GRIN2B: variants seen among roughly 807,000 people sequenced by gnomAD.
GRIN2B encodes glutamate receptor ionotropic, NMDA 2B.
Under a neutral mutation model 114.5 loss-of-function variants are expected in GRIN2B, and 5 were observed. The ratio of observed to expected loss-of-function variants is 0.04; its 90% confidence interval spans 0.02 to 0.09. The LOEUF is 0.09. GRIN2B is among the 10% of genes least tolerant of loss of function. The pLI is 1.00. For synonymous variants in GRIN2B, 787 were observed against 745.1 expected (o/e 1.06, Z -0.92); for missense variants, 1,108 against 1,943.5 (o/e 0.57, Z 8.08).
chr12:13,649,808 C>T (rs993763212), intron 5 of GRIN2B, among the ~76,000 whole-genome samples: 2 of 152,100 alleles, frequency 1.3e-5, no homozygotes, highest in African/African-American at 4.8e-5. Flanking sequence ...AAACCTCTGG[C>T]CCCCTGGTTT....
rs1363756801 is a variant in GRIN2B at position 13,541,560 on chromosome 12, A to G, written c.*21223T>C. On this transcript the variant is annotated 3_prime_UTR_variant, in exon 14 of 14. Transcript: ENST00000609686. The stretch of plus-strand genomic sequence containing the variant: ...ATAGAGTTTAATGCGTACTCAGTGC[A>G]TAAAGTAAGGTATGACTGAGTTGGC... 2 of 152,240 alleles carry G rather than the reference A, an allele frequency of 1.3e-5. No homozygotes were observed. Among genetic ancestry groups the G allele is most frequent in the Non-Finnish European group, 2.9e-5 (2 of 68,054 alleles). The allele number at this position is 152,240 out of a possible 1,614,324, so 9.4% of individuals were successfully genotyped here.
Position 13,566,143 on chromosome 12 carries a change from G to C in GRIN2B, c.2598+882C>G, listed in dbSNP as rs1806204. 1.3e-3 allele frequency among the ~76,000 whole-genome samples: 194 copies of C among 152,232 alleles called. 1 individual carries two copies. Among genetic ancestry groups the C allele is most frequent in the African/African-American group, 4.6e-3 (192 of 41,536 alleles). ...ATTAACTCACAGCCAGAAAGGACACGGAGAAATTGTTCTCTATCAGTAAAA... is the reference window on the plus strand; with the variant it reads ...ATTAACTCACAGCCAGAAAGGACACCGAGAAATTGTTCTCTATCAGTAAAA... On this transcript the variant is annotated intron_variant, in intron 13 of 13. Transcript: ENST00000609686.
intron 4 of GRIN2B, among the ~76,000 whole-genome samples, chr12:13,682,534 T>G (rs1445655678): frequency 6.6e-6 from 1 of 152,210 alleles, no homozygotes; most frequent in Non-Finnish European, 1.5e-5. Context: ...TCTTCACAAA[T>G]CATAAAATGT....
intron 3 of GRIN2B, among the ~76,000 whole-genome samples, chr12:13,797,263 G>C (rs1396347293): frequency 1.3e-5 from 2 of 152,082 alleles, no homozygotes; most frequent in Non-Finnish European, 2.9e-5. Context: ...TGTTTTATAA[G>C]GTCCCACTCA....
chr12:13,896,828 T>C (rs933440901), intron 2 of GRIN2B, among the ~76,000 whole-genome samples: 1 of 152,232 alleles, frequency 6.6e-6, no homozygotes, highest in African/African-American at 2.4e-5. Flanking sequence ...GGCTTTCACA[T>C]GCACTAGCTG....
At chr12:13,566,593 G>T (rs1483063833) in intron 13 of GRIN2B, among the ~76,000 whole-genome samples, 1 of 152,186 alleles carries the variant, frequency 6.6e-6, no homozygotes, top group Non-Finnish European at 1.5e-5. Flanking sequence ...AAAACATAGA[G>T]TGAAACAACT....
intron 4 of GRIN2B, among the ~76,000 whole-genome samples, chr12:13,740,091 G>A (rs762156445): frequency 6.6e-6 from 1 of 152,144 alleles, no homozygotes; most frequent in Non-Finnish European, 1.5e-5. Flanking sequence ...CCTTTCTCCT[G>A]AACTCCACTC....
At chr12:13,931,655 A>G (rs1048300401) in intron 2 of GRIN2B, among the ~76,000 whole-genome samples, 1 of 152,206 alleles carries the variant, frequency 6.6e-6, no homozygotes, top group Non-Finnish European at 1.5e-5. Context: ...TAAATCAGAA[A>G]TACCTTAAAC....
At chr12:13,893,577 T>G (rs188689932) in intron 2 of GRIN2B, among the ~76,000 whole-genome samples, 1 of 152,200 alleles carries the variant, frequency 6.6e-6, no homozygotes, top group East Asian at 1.9e-4. Context: ...ACTTAAGACT[T>G]GAGACCCCAC....
In GRIN2B at chr12:13,578,064, C is replaced by G. The variant is rs527920724; in HGVS notation, c.2011-6100G>C. Among the ~76,000 whole-genome samples the G allele has an allele frequency of 6.1e-4, 93 of 152,228 alleles. 1 individual carries two copies. The highest frequency in any genetic ancestry group is 5.4e-4 in the Non-Finnish European group (37 of 68,022). On this transcript the variant is annotated intron_variant, in intron 10 of 13. Transcript: ENST00000609686. ...ATAAAGAAGAGAGGCAAACAGTAAGCCTGTTTTTTATTTTTAAAATTTCTA... is the reference window on the plus strand; with the variant it reads ...ATAAAGAAGAGAGGCAAACAGTAAGGCTGTTTTTTATTTTTAAAATTTCTA...
At chr12:13,771,734 T>C (rs1321278367) in intron 3 of GRIN2B, among the ~76,000 whole-genome samples, 2 of 152,238 alleles carry the variant, frequency 1.3e-5, no homozygotes, top group Non-Finnish European at 2.9e-5. Flanking sequence ...CCACATATTA[T>C]AGCCAAGAAT....
chr12:13,825,641 C>T (rs1303266418), intron 3 of GRIN2B, among the ~76,000 whole-genome samples: 1 of 151,246 alleles, frequency 6.6e-6, no homozygotes, highest in Non-Finnish European at 1.5e-5. Context: ...CTCTGCCTCC[C>T]GAGTAGCTGG....
At position 13,739,885 on chromosome 12, in the gene GRIN2B, C is replaced by A. The variant is rs983916135; in HGVS notation, c.1010+13432G>T. Among the ~76,000 whole-genome samples, 3 of 152,196 alleles carry A rather than the reference C, an allele frequency of 2.0e-5. No individual in the cohort carries two copies. In the East Asian group the frequency reaches 5.8e-4, roughly 29 times the overall value. On this transcript the variant is annotated intron_variant, in intron 4 of 13. Coordinates refer to ENST00000609686, the MANE Select transcript of GRIN2B (RefSeq NM_000834.5). ...AACGCTGCTGAGTAGCACCGGGCGT[C>A]ATGGCAACACCATGGTTCCTATTTT...
chr12:13,821,063 G>C (rs538761811), intron 3 of GRIN2B, among the ~76,000 whole-genome samples: 1 of 151,394 alleles, frequency 6.6e-6, no homozygotes. Flanking sequence ...AGAACCACTC[G>C]ATGTGCCTAA....
In GRIN2B at chr12:13,575,186, G is replaced by T. The variant is rs1948759485; in HGVS notation, c.2011-3222C>A. Reference sequence around the variant, plus strand: ...ACCAAAAGCACAATCCACCAAAAAAGGTAAACGATAAATTGGAGTTCATAA... The same window carrying T: ...ACCAAAAGCACAATCCACCAAAAAATGTAAACGATAAATTGGAGTTCATAA... On this transcript the variant is annotated intron_variant, in intron 10 of 13. Transcript: ENST00000609686. Among the ~76,000 whole-genome samples, 3 of 151,952 alleles carry T rather than the reference G, an allele frequency of 2.0e-5. No individual in the cohort carries two copies. In the South Asian group the frequency reaches 6.2e-4, roughly 31 times the overall value.
At position 13,719,369 on chromosome 12, in the gene GRIN2B, T is replaced by C. The variant is rs185185390; in HGVS notation, c.1010+33948A>G. The stretch of plus-strand genomic sequence containing the variant: ...ATCCACATTAACCAGATTTATTAAT[T>C]AGATAAATCATCCCTTGTACTCTGT... On this transcript the variant is annotated intron_variant, in intron 4 of 13. Transcript: ENST00000609686. Among the ~76,000 whole-genome samples the C allele has an allele frequency of 2.0e-3, 311 of 152,130 alleles. 1 individual carries two copies. The highest frequency in any genetic ancestry group is 3.9e-3 in the Non-Finnish European group (263 of 67,976).
intron 3 of GRIN2B, among the ~76,000 whole-genome samples, chr12:13,784,491 G>A (rs529764261): frequency 5.3e-5 from 8 of 151,978 alleles, no homozygotes; most frequent in Non-Finnish European, 1.2e-4. Context: ...ACTAATGATG[G>A]CCTCCCTGTG....
chr12:13,972,894 C>T (rs73303085), intron 2 of GRIN2B, among the ~76,000 whole-genome samples: 7,108 of 152,286 alleles, frequency 0.047, 297 homozygotes, highest in East Asian at 0.2. Context: ...ACTGCACAAA[C>T]ATATCCATCC....
rs553087066 is a variant in GRIN2B, at chr12:13,882,702, T to C, written c.-18-16476A>G. 3.9e-5 allele frequency among the ~76,000 whole-genome samples: 6 copies of C among 152,336 alleles called. No individual in the cohort carries two copies. In the East Asian group the frequency reaches 1.2e-3, roughly 29 times the overall value. Reference sequence around the variant, plus strand: ...TACTAAATGGGCCTGACAAAGACATTATTCATTTATGTATACATCAGTATG... The same window carrying C: ...TACTAAATGGGCCTGACAAAGACATCATTCATTTATGTATACATCAGTATG... On this transcript the variant is annotated intron_variant, in intron 2 of 13. Transcript: ENST00000609686.
Sources: allele counts gnomAD v4.1 joint callset (sites outside exome capture counted in the v4.1 genomes callset), GRCh38; gene constraint gnomAD v4.1.1; transcripts MANE v1.5; gene names NCBI Gene and HGNC (gene_info 2026-07-23, HGNC 2026-07-21).